Variants in MYO1B observed in about 807,000 individuals in gnomAD.
MYO1B encodes myosin IB.
A neutral mutation model predicts 159.7 loss-of-function variants in MYO1B; 72 were observed. That is an observed-to-expected ratio of 0.45 (90% confidence interval 0.37 to 0.55). MYO1B has a LOEUF of 0.55. Ranked by LOEUF, MYO1B falls within the 20% of genes least tolerant of loss-of-function variation. The pLI, the probability that MYO1B is intolerant of heterozygous loss-of-function variation, is 0.00. For synonymous variants in MYO1B, 468 were observed against 473.8 expected (o/e 0.99, Z 0.16); for missense variants, 1,062 against 1,364.8 (o/e 0.78, Z 3.50).
At position 191,255,041 on chromosome 2, in the gene MYO1B, TC is replaced by T. The variant is rs748043246; in HGVS notation, c.-10+9416del. Among the ~76,000 whole-genome samples the T allele has an allele frequency of 1.1e-4, 16 of 151,994 alleles. No individual in the cohort carries two copies. In the South Asian group the frequency reaches 2.7e-3, roughly 26 times the overall value. Reference sequence around the variant, plus strand: ...CTCCTGGGCACAAGTGATCCTCCTGTCTCCACCTCCCAAGCAGCTAGGACTA... The same window carrying T: ...CTCCTGGGCACAAGTGATCCTCCTGTTCCACCTCCCAAGCAGCTAGGACTA... On this transcript the variant is annotated intron_variant, in intron 1 of 30. Transcript: ENST00000392318.
intron 7 of MYO1B, among the ~76,000 whole-genome samples, chr2:191,351,861 G>C: frequency 6.6e-6 from 1 of 152,072 alleles, no homozygotes; most frequent in Non-Finnish European, 1.5e-5. Flanking sequence ...CTCCAACCTG[G>C]GTGACAGAGT....
chr2:191,322,598 C>T (rs1313475299), intron 3 of MYO1B, among the ~76,000 whole-genome samples: 1 of 152,132 alleles, frequency 6.6e-6, no homozygotes, highest in Admixed American at 6.6e-5. Flanking sequence ...TGGGGTGTCC[C>T]TAAGCTTCTT....
chr2:191,398,457 C>T (rs1278032428), intron 21 of MYO1B, among the ~76,000 whole-genome samples: 5 of 145,844 alleles, frequency 3.4e-5, no homozygotes, highest in Admixed American at 6.8e-5. Flanking sequence ...CGGAGACGCT[C>T]CTCACTTCCC....
At chr2:191,255,952 G>T (rs1686417853) in intron 1 of MYO1B, among the ~76,000 whole-genome samples, 1 of 152,192 alleles carries the variant, frequency 6.6e-6, no homozygotes, top group African/African-American at 2.4e-5. Flanking sequence ...TTCCTGGGAG[G>T]GGTGGTGAGC....
At chr2:191,395,620 A>G (rs998959652) in intron 20 of MYO1B, among the ~76,000 whole-genome samples, 5 of 152,238 alleles carry the variant, frequency 3.3e-5, no homozygotes. Context: ...GTATTCCAGC[A>G]GCCTCCACTC....
intron 30 of MYO1B, among the ~76,000 whole-genome samples, chr2:191,420,474 T>A (rs1697869261): frequency 6.6e-6 from 1 of 152,210 alleles, no homozygotes; most frequent in Non-Finnish European, 1.5e-5. Context: ...CTGTACCTTT[T>A]CTATTCTTAC....
At chr2:191,301,132 A>G (rs985329982) in intron 3 of MYO1B, among the ~76,000 whole-genome samples, 1 of 152,226 alleles carries the variant, frequency 6.6e-6, no homozygotes, top group African/African-American at 2.4e-5. Flanking sequence ...GGCATCCCCA[A>G]GGAAATGTGG....
chr2:191,337,296 A>G (rs960444376), intron 4 of MYO1B, among the ~76,000 whole-genome samples: 4 of 152,240 alleles, frequency 2.6e-5, no homozygotes, highest in African/African-American at 7.2e-5. Context: ...ATATAATTCT[A>G]TGTTGTGTGA....
At chr2:191,294,472 A>G (rs1050123791) in intron 2 of MYO1B, among the ~76,000 whole-genome samples, 6 of 152,344 alleles carry the variant, frequency 3.9e-5, no homozygotes, top group African/African-American at 1.4e-4. Flanking sequence ...ACTAATTCTA[A>G]TGTATTAGCT....
intron 30 of MYO1B, among the ~76,000 whole-genome samples, chr2:191,421,648 G>A (rs1697949911): frequency 6.6e-6 from 1 of 152,090 alleles, no homozygotes; most frequent in Non-Finnish European, 1.5e-5. Context: ...GCTAATTTGT[G>A]TATTTTTAGT....
At chr2:191,370,010 C>CA (rs2126037122) in intron 12 of MYO1B, among the ~76,000 whole-genome samples, 1 of 152,228 alleles carries the variant, frequency 6.6e-6, no homozygotes, top group South Asian at 2.1e-4. Context: ...TGAAAGGCAC[C>CA]ACTAATGCCT....
chr2:191,394,252 T>C (rs1471403892), intron 20 of MYO1B, among the ~76,000 whole-genome samples: 2 of 152,210 alleles, frequency 1.3e-5, no homozygotes, highest in Non-Finnish European at 2.9e-5. Flanking sequence ...CACTTTGGAC[T>C]GTTGTCACCC....
intron 2 of MYO1B, among the ~76,000 whole-genome samples, chr2:191,282,016 C>G (rs1287123321): frequency 6.6e-6 from 1 of 152,086 alleles, no homozygotes; most frequent in Non-Finnish European, 1.5e-5. Context: ...GAAAGATACT[C>G]AAGATATAGT....
intron 25 of MYO1B, 57 bp downstream of exon 25, chr2:191,408,246 A>G (rs575486076): frequency 3.6e-5 from 45 of 1,239,418 alleles, no homozygotes; most frequent in Admixed American, 2.3e-4. Flanking sequence ...CCCACCTAAT[A>G]TCACCAACTC....
intron 2 of MYO1B, among the ~76,000 whole-genome samples, chr2:191,289,717 G>C (rs909883048): frequency 3.3e-5 from 5 of 151,992 alleles, no homozygotes; most frequent in Non-Finnish European, 5.9e-5. Context: ...GGTCATTATG[G>C]GATTTTCTTA....
At chr2:191,330,875 A>G (rs1451020481) in intron 4 of MYO1B, among the ~76,000 whole-genome samples, 1 of 152,200 alleles carries the variant, frequency 6.6e-6, no homozygotes, top group Non-Finnish European at 1.5e-5. Context: ...AAATGTTTCT[A>G]TTCTACATGG....
rs899555611 is a variant in MYO1B, at chr2:191,333,984, A to T, written c.346+3955A>T. Among the ~76,000 whole-genome samples the T allele has an allele frequency of 2.6e-5, 4 of 151,980 alleles. No homozygotes were observed. The East Asian group carries it at 7.7e-4, about 29-fold the overall frequency. ...CCCTCCCCCCATCCTATTTGACTCT[A>T]TCTACAAGCACACATATTCACTTCA... On this transcript the variant is annotated intron_variant, in intron 4 of 30. Coordinates refer to ENST00000392318, the MANE Select transcript of MYO1B (RefSeq NM_001130158.3).
intron 2 of MYO1B, among the ~76,000 whole-genome samples, chr2:191,285,304 G>A (rs774063589): frequency 7.9e-5 from 12 of 152,284 alleles, no homozygotes; most frequent in Non-Finnish European, 1.8e-4. Context: ...TCAGCGTGGC[G>A]TTGAACTCAT....
At chr2:191,248,090 A>G (rs771060788) in intron 1 of MYO1B, 11 of 907,096 alleles carry the variant, frequency 1.2e-5, no homozygotes, top group African/African-American at 3.6e-5. Context: ...TTTGGGTAAG[A>G]TTGTCTTCTA....
Sources: gnomAD v4.1 joint callset for allele counts (sites outside exome capture counted in the v4.1 genomes callset) on GRCh38, gnomAD v4.1.1 for gene constraint, MANE v1.5 for transcripts, NCBI Gene and HGNC (gene_info 2026-07-23, HGNC 2026-07-21) for gene names.